Variants in HTRA3 observed in about 807,000 individuals in gnomAD.
The protein encoded by HTRA3 is serine protease HTRA3.
A neutral mutation model predicts 43.2 loss-of-function variants in HTRA3; 41 were observed. That is an observed-to-expected ratio of 0.95 (90% CI 0.74 to 1.23). The LOEUF (loss-of-function observed/expected upper bound fraction) is 1.23. HTRA3 is among the 50% of genes most tolerant of loss of function. The pLI, the probability that HTRA3 is intolerant of heterozygous loss-of-function variation, is 0.00. For missense variants in HTRA3, 628 were observed against 647.1 expected, an observed-to-expected ratio of 0.97 and a Z score of 0.32; for synonymous variants, 295 against 287.9, an observed-to-expected ratio of 1.02 and a Z score of -0.25.
intron 1 of HTRA3, among the ~76,000 whole-genome samples, chr4:8,276,818 A>C (rs565110762): frequency 2.0e-5 from 3 of 152,366 alleles, no homozygotes; most frequent in Non-Finnish European, 4.4e-5. Context: ...AGCACGGAGC[A>C]GGGGAAGCGC....
rs1257950802 is a variant in HTRA3 at position 8,280,169 on chromosome 4, C to T, written c.386-2268C>T. On this transcript the variant is annotated intron_variant, in intron 1 of 8. Transcript: ENST00000307358. ...AGTTGGTGGCCCGACAAAGGCCACA[C>T]GGTAGGAGAGGTAATATGGTCCCAC... 3.3e-5 allele frequency among the ~76,000 whole-genome samples: 5 copies of T among 152,210 alleles called. No homozygotes were observed. The East Asian group carries it at 7.7e-4, about 24-fold the overall frequency.
At chr4:8,289,446 C>G (rs898583097) in intron 3 of HTRA3, among the ~76,000 whole-genome samples, 1 of 152,236 alleles carries the variant, frequency 6.6e-6, no homozygotes, top group African/African-American at 2.4e-5. Flanking sequence ...TTGCAACCCC[C>G]GCTCGAGGAC....
chr4:8,300,759 A>C (rs1359611563), intron 6 of HTRA3, among the ~76,000 whole-genome samples: 2 of 152,002 alleles, frequency 1.3e-5, no homozygotes, highest in Non-Finnish European at 2.9e-5. Context: ...ATTCACACTC[A>C]TCTTTATTAT....
At chr4:8,284,535 G>A (rs1712882920) in intron 2 of HTRA3, among the ~76,000 whole-genome samples, 1 of 152,236 alleles carries the variant, frequency 6.6e-6, no homozygotes, top group African/African-American at 2.4e-5. Context: ...CTGAGTGTGG[G>A]CATGGAGGCC....
chr4:8,281,086 G>A (rs1560135504), intron 1 of HTRA3, among the ~76,000 whole-genome samples: 1 of 152,218 alleles, frequency 6.6e-6, no homozygotes, highest in Non-Finnish European at 1.5e-5. Context: ...TAGAGGAAAA[G>A]TTTCCTTCCC....
intron 5 of HTRA3, among the ~76,000 whole-genome samples, chr4:8,293,293 C>T (rs191379268): frequency 1.3e-3 from 204 of 152,300 alleles, no homozygotes; most frequent in African/African-American, 4.7e-3. Context: ...GAGGCTGCTC[C>T]GCATGGTCCA....
In HTRA3 at chr4:8,302,456, T is replaced by C; in HGVS notation, c.1052-7T>C. On this transcript the variant is annotated splice_region_variant and splice_polypyrimidine_tract_variant and intron_variant, in intron 6 of 8. Coordinates refer to ENST00000307358, the MANE Select transcript of HTRA3 (RefSeq NM_053044.5). Reference sequence around the variant, plus strand: ...CCTAACGGAGTCTCGCCGTGTTTCATTTCCAGACTGGAAGAAGCGCTTCAT... The same window carrying C: ...CCTAACGGAGTCTCGCCGTGTTTCACTTCCAGACTGGAAGAAGCGCTTCAT... The C allele has an allele frequency of 6.2e-7, 1 of 1,614,076 alleles. No homozygotes were observed. Among genetic ancestry groups the C allele is most frequent in the Non-Finnish European group, 8.5e-7 (1 of 1,179,958 alleles).
At chr4:8,280,644 G>C (rs943766953) in intron 1 of HTRA3, among the ~76,000 whole-genome samples, 1 of 152,202 alleles carries the variant, frequency 6.6e-6, no homozygotes, top group African/African-American at 2.4e-5. Flanking sequence ...GCCCACAGCA[G>C]GCCCTGCCCC....
chr4:8,274,200 G>C (rs766526993), intron 1 of HTRA3, among the ~76,000 whole-genome samples: 1 of 152,210 alleles, frequency 6.6e-6, no homozygotes, highest in African/African-American at 2.4e-5. Flanking sequence ...TGGCCTCACC[G>C]GTCTCTTTCC....
Position 8,306,350 on chromosome 4 carries a change from C to G in HTRA3, c.*214C>G. 1.8e-6 allele frequency: 1 copy of G among 551,798 alleles called. No homozygotes were observed. Among genetic ancestry groups the G allele is most frequent in the Non-Finnish European group, 3.2e-6 (1 of 313,528 alleles). The allele number at this position is 551,798 out of a possible 1,614,324, so 34.2% of individuals were successfully genotyped here. A position where few individuals can be genotyped will look rare whatever the true frequency, so the allele number is the denominator to read the frequency against. ...CATCCCGGTGCCGGGGAGGGAAGCC[C>G]AACATCCCCTTGTACAGATGATCCT... On this transcript the variant is annotated 3_prime_UTR_variant, in exon 9 of 9. Transcript: ENST00000307358. This position sits in a 1 kb window ranked among gnomAD's most constrained non-coding sequence, Gnocchi z 8.9.
At chr4:8,301,151 CTT>C (rs1214531456) in intron 6 of HTRA3, among the ~76,000 whole-genome samples, 5 of 54,036 alleles carry the variant, frequency 9.3e-5, no homozygotes, top group Non-Finnish European at 1.4e-4. Flanking sequence ...GATTCACACT[CTT>C]TATTGACTCA....
chr4:8,292,906 T>C (rs1302029715), intron 5 of HTRA3, among the ~76,000 whole-genome samples: 1 of 152,104 alleles, frequency 6.6e-6, no homozygotes, highest in East Asian at 1.9e-4. Context: ...CCACATGAGA[T>C]AGCTCTGGAG....
chr4:8,288,217 A>G (rs1713071442), intron 3 of HTRA3, among the ~76,000 whole-genome samples: 1 of 152,198 alleles, frequency 6.6e-6, no homozygotes, highest in African/African-American at 2.4e-5. Flanking sequence ...CATCACCTCC[A>G]TTTTAAAGTT....
In HTRA3 at chr4:8,286,660, C is replaced by G. The variant is rs375393668; in HGVS notation, c.585C>G (p.Ser195Arg). Residue 195 changes from serine (S) to arginine (R), a missense_variant, in exon 3 of 9, where the codon AGC (serine) becomes AGG (arginine). By Grantham distance (110) the Ser-to-Arg change is moderately radical. Coordinates refer to ENST00000307358, the MANE Select transcript of HTRA3 (RefSeq NM_053044.5). The surrounding 1 kb of genome is among the most constrained non-coding windows in gnomAD (Gnocchi z 4.9). ...TCACCAATGCCCACGTGGTGTCCAG[C>G]AACAGTGCTGCCCCGGGCAGGCAGC... The part of the protein sequence containing the change: ...LIITNAHVVS[S>R]NSAAPGRQQL... 16 of 1,614,084 alleles carry G rather than the reference C, an allele frequency of 9.9e-6. No homozygotes were observed. The Middle Eastern group carries it at 8.2e-4, about 83-fold the overall frequency.
At chr4:8,301,724 A>T (rs1222500415) in intron 6 of HTRA3, among the ~76,000 whole-genome samples, 3 of 152,150 alleles carry the variant, frequency 2.0e-5, no homozygotes, top group Non-Finnish European at 4.4e-5. Context: ...TATATTATAC[A>T]TTCATTTTTA....
rs139006487 is a variant in HTRA3 at position 8,291,788 on chromosome 4, C to T, written c.903+224C>T. ...GGAGTCAGAGGCTGCTGTCCTCGCT[C>T]GGGCAGCCTTTCAGAGAAACAGAGG... On this transcript the variant is annotated intron_variant, in intron 4 of 8. Transcript: ENST00000307358. 1.1e-3 allele frequency among the ~76,000 whole-genome samples: 169 copies of T among 152,348 alleles called. No individual in the cohort carries two copies. In the South Asian group the frequency reaches 0.012, roughly 10 times the overall value.
At position 8,279,009 on chromosome 4, in the gene HTRA3, C is replaced by T. The variant is rs138680345; in HGVS notation, c.386-3428C>T. On this transcript the variant is annotated intron_variant, in intron 1 of 8. Transcript: ENST00000307358. The surrounding 1 kb of genome is among the most constrained non-coding windows in gnomAD (Gnocchi z 7.4). ...CCCCTCCTCTCTCCGCCCCTCCTCC[C>T]CCTCCATCCCTTCCCTCTGAAATGT... 6.6e-6 allele frequency among the ~76,000 whole-genome samples: 1 copy of T among 152,176 alleles called. No homozygotes were observed. Among genetic ancestry groups the T allele is most frequent in the African/African-American group, 2.4e-5 (1 of 41,434 alleles).
Position 8,295,842 on chromosome 4 carries a change from C to T in HTRA3, c.1051+1641C>T, listed in dbSNP as rs923387178. 100 of 1,237,886 alleles carry T rather than the reference C, an allele frequency of 8.1e-5. No individual in the cohort carries two copies. Among genetic ancestry groups the T allele is most frequent in the Middle Eastern group, 4.1e-4 (2 of 4,876 alleles). The allele number at this position is 1,237,886 out of a possible 1,614,324, so 76.7% of individuals were successfully genotyped here. On this transcript the variant is annotated intron_variant, in intron 6 of 8. Transcript: ENST00000307358. The surrounding 1 kb of genome is among the most constrained non-coding windows in gnomAD (Gnocchi z 6.9). ...CATGAAGAGCTGCTGTTGAGGATGC[C>T]GCCATTGTTCTTCTGTGTCCATTAT...
At chr4:8,304,356 A>G (rs1713760997) in intron 8 of HTRA3, 77 bp downstream of exon 8, 1 of 1,175,726 alleles carries the variant, frequency 8.5e-7, no homozygotes, top group African/African-American at 1.5e-5. Flanking sequence ...CACTGACCTC[A>G]TGTGACCTTG....
Sources: allele counts gnomAD v4.1 joint callset (sites outside exome capture counted in the v4.1 genomes callset), GRCh38; gene constraint gnomAD v4.1.1; non-coding constraint Gnocchi (gnomAD v3.1); transcripts MANE v1.5; gene names NCBI Gene and HGNC (gene_info 2026-07-23, HGNC 2026-07-21).